Variants in IQUB observed in about 807,000 individuals in gnomAD.
IQUB encodes IQ motif and ubiquitin domain containing.
IQUB carries 86 observed loss-of-function variants against 86.4 expected under a neutral mutation model. That is an observed-to-expected ratio of 1.00 (90% CI 0.84 to 1.19). IQUB has a LOEUF of 1.19. Among genes scored for constraint, IQUB ranks in the 50% most tolerant of loss-of-function variants. The pLI, the probability that IQUB is intolerant of heterozygous loss-of-function variation, is 0.00. For missense variants in IQUB, 946 were observed against 916.9 expected (o/e 1.03, Z -0.41); for synonymous variants, 289 against 304.5 (o/e 0.95, Z 0.53).
chr7:123,469,748 T>C (rs1056114040), intron 8 of IQUB, among the ~76,000 whole-genome samples: 2 of 152,208 alleles, frequency 1.3e-5, no homozygotes, highest in Non-Finnish European at 2.9e-5. Flanking sequence ...GTCTTGATCC[T>C]GCCTTGCCAA....
chr7:123,507,518 C>G (rs769658261), intron 3 of IQUB, among the ~76,000 whole-genome samples: 3 of 152,148 alleles, frequency 2.0e-5, no homozygotes, highest in African/African-American at 7.2e-5. Flanking sequence ...TCTATTTTGG[C>G]TATGTTCAAG....
intron 7 of IQUB, among the ~76,000 whole-genome samples, chr7:123,484,042 G>GT (rs1371904591): frequency 6.6e-6 from 1 of 151,944 alleles, no homozygotes; most frequent in African/African-American, 2.4e-5. Flanking sequence ...TTTTATCAGA[G>GT]TATTTCTTTC....
At chr7:123,474,815 T>G (rs1280286876) in intron 8 of IQUB, among the ~76,000 whole-genome samples, 1 of 152,182 alleles carries the variant, frequency 6.6e-6, no homozygotes, top group Non-Finnish European at 1.5e-5. Context: ...AAATGTCAAT[T>G]TCCTTTAAAA....
At chr7:123,470,527 C>T (rs907894030) in intron 8 of IQUB, among the ~76,000 whole-genome samples, 1 of 151,984 alleles carries the variant, frequency 6.6e-6, no homozygotes, top group South Asian at 2.1e-4. Context: ...ATGGACTAAC[C>T]AAATAGAGAC....
Position 123,479,852 on chromosome 7 carries a change from A to G in IQUB, c.1353T>C (p.His451=), listed in dbSNP as rs1364705611. ...ETQIIASIGR[H]RYIAYMANQE... Reference sequence around the variant, plus strand: ...GATTTGCCATATAAGCAATGTATCTATGTCTCCCAATGGAAGCAATTATCT... The same window carrying G: ...GATTTGCCATATAAGCAATGTATCTGTGTCTCCCAATGGAAGCAATTATCT... Residue 451 remains histidine, a synonymous_variant, in exon 8 of 13, where the codon CAT becomes CAC. Coordinates refer to ENST00000324698, the MANE Select transcript of IQUB (RefSeq NM_178827.5). The G allele has an allele frequency of 5.0e-6, 8 of 1,613,072 alleles. No individual in the cohort carries two copies. The highest frequency in any genetic ancestry group is 6.8e-6 in the Non-Finnish European group (8 of 1,179,436).
rs1267352727 is a variant in IQUB, at chr7:123,527,569, C to CGGCCGT, written c.-5+6917_-5+6922dup. On this transcript the variant is annotated intron_variant, in intron 1 of 12. Coordinates refer to ENST00000324698, the MANE Select transcript of IQUB (RefSeq NM_178827.5). Reference sequence around the variant, plus strand: ...TCGGCTGCAGGTCTGTTGGAGCACCCGGCCGTGTGAGGTGTCAGTCTGCCC... The same window carrying CGGCCGT: ...TCGGCTGCAGGTCTGTTGGAGCACCCGGCCGTGGCCGTGTGAGGTGTCAGTCTGCCC... 7.9e-5 allele frequency among the ~76,000 whole-genome samples: 12 copies of CGGCCGT among 152,282 alleles called. No individual in the cohort carries two copies. In the East Asian group the frequency reaches 1.4e-3, roughly 17 times the overall value.
intron 7 of IQUB, among the ~76,000 whole-genome samples, chr7:123,491,134 A>T (rs1447991270): frequency 6.6e-6 from 1 of 152,202 alleles, no homozygotes; most frequent in Non-Finnish European, 1.5e-5. Flanking sequence ...GTCAAGAAAT[A>T]ATCAAAAGGA....
intron 12 of IQUB, among the ~76,000 whole-genome samples, chr7:123,454,963 G>A (rs1463454783): frequency 6.6e-6 from 1 of 152,078 alleles, no homozygotes; most frequent in Non-Finnish European, 1.5e-5. Flanking sequence ...CTTTGGAAAG[G>A]AGTTATTATG....
At chr7:123,531,323 T>C (rs1797530462) in intron 1 of IQUB, among the ~76,000 whole-genome samples, 1 of 152,162 alleles carries the variant, frequency 6.6e-6, no homozygotes, top group African/African-American at 2.4e-5. Flanking sequence ...AGCTTGCAAT[T>C]AATGTTCCAA....
intron 1 of IQUB, among the ~76,000 whole-genome samples, chr7:123,517,530 CA>C (rs374712007): frequency 0.019 from 431 of 22,442 alleles, 3 homozygotes; most frequent in East Asian, 0.082. Flanking sequence ...GACTCCATCT[CA>C]AAAAAAAAAA....
Position 123,464,849 on chromosome 7 carries a change from A to G in IQUB, c.1742T>C (p.Val581Ala), listed in dbSNP as rs749693299. The change falls in exon 10 of 13, where the codon GTT becomes GCT. Residue 581 changes from valine to alanine, a missense_variant. Transcript: ENST00000324698. The part of the protein sequence containing the change: ...YIKTPLFNPE[V>A]AKYLKVPQDP... The stretch of plus-strand genomic sequence containing the variant: ...GTAGAATACCTTAAGGTATTTTGCA[A>G]CTTCAGGATTAAACAGAGGTGTTTT... The G allele has an allele frequency of 2.5e-6, 4 of 1,579,926 alleles. No individual in the cohort carries two copies. The South Asian group carries it at 3.5e-5, about 14-fold the overall frequency.
intron 1 of IQUB, among the ~76,000 whole-genome samples, chr7:123,512,560 T>A (rs550894394): frequency 1.8e-4 from 28 of 152,344 alleles, no homozygotes; most frequent in African/African-American, 6.5e-4. Context: ...GAAAAACATT[T>A]TTTAATATCT....
Position 123,503,821 on chromosome 7 carries a change from C to CA in IQUB, c.533-459dup, listed in dbSNP as rs1031403130. Among the ~76,000 whole-genome samples the CA allele has an allele frequency of 2.0e-5, 3 of 151,770 alleles. 1 individual carries two copies. The highest frequency in any genetic ancestry group is 6.6e-5 in the Admixed American group (1 of 15,244). On this transcript the variant is annotated intron_variant, in intron 3 of 12. Transcript: ENST00000324698. ...TCTACCTCTTGCTCTGATGTTAGTA[C>CA]AAAAAACTCCATAATAGGAAGAGTT... is the stretch of plus-strand genomic sequence containing the variant.
intron 10 of IQUB, among the ~76,000 whole-genome samples, chr7:123,463,227 C>T (rs1293650310): frequency 6.6e-6 from 1 of 151,600 alleles, no homozygotes; most frequent in Non-Finnish European, 1.5e-5. Flanking sequence ...GAAAAAAATG[C>T]TTGGTTGTCT....
chr7:123,464,532 C>T (rs542985369), intron 10 of IQUB, among the ~76,000 whole-genome samples: 8 of 151,788 alleles, frequency 5.3e-5, no homozygotes, highest in African/African-American at 7.3e-5. Context: ...GGGAAACCAA[C>T]GGTATGTACA....
chr7:123,513,004 A>G (rs1796491945), intron 1 of IQUB, among the ~76,000 whole-genome samples: 1 of 152,204 alleles, frequency 6.6e-6, no homozygotes, highest in Non-Finnish European at 1.5e-5. Flanking sequence ...AAATCAGAGA[A>G]ACAAATGTCC....
At chr7:123,470,850 CAA>C (rs564514551) in intron 8 of IQUB, among the ~76,000 whole-genome samples, 2 of 95,726 alleles carry the variant, frequency 2.1e-5, no homozygotes, top group African/African-American at 4.0e-5. Flanking sequence ...GACTCTGTCT[CAA>C]AAAAAAAAAA....
chr7:123,485,271 T>C (rs1008849661), intron 7 of IQUB, among the ~76,000 whole-genome samples: 1 of 152,114 alleles, frequency 6.6e-6, no homozygotes, highest in South Asian at 2.1e-4. Context: ...TTCTGGTATC[T>C]TCATATGATT....
rs1794706546 is a variant in IQUB, at chr7:123,475,420, T to C, written c.1410+4375A>G. On this transcript the variant is annotated intron_variant, in intron 8 of 12. Transcript: ENST00000324698. ...GGTGAGATTTACATGAAGACCATCT[T>C]AGAGTGCCACACCTCATGAGAAAGG... Among the ~76,000 whole-genome samples, 6 of 146,496 alleles carry C rather than the reference T, an allele frequency of 4.1e-5. No homozygotes were observed. In the Admixed American group the frequency reaches 4.2e-4, roughly 10 times the overall value.
Sources: gnomAD v4.1 joint callset for allele counts (sites outside exome capture counted in the v4.1 genomes callset) on GRCh38, gnomAD v4.1.1 for gene constraint, MANE v1.5 for transcripts, NCBI Gene and HGNC (gene_info 2026-07-23, HGNC 2026-07-21) for gene names.